The following TTC28 variants were observed in gnomAD, a reference collection of about 807,000 sequenced individuals.
TTC28 encodes the protein tetratricopeptide repeat protein 28.
In TTC28, 61 loss-of-function variants were observed where a neutral mutation model predicts 198.0. That is an observed-to-expected ratio of 0.31 (90% confidence interval 0.25 to 0.38). The LOEUF (loss-of-function observed/expected upper bound fraction) is 0.38, where lower values mean the gene tolerates loss of function less well. Ranked by LOEUF, TTC28 falls within the 10% of genes least tolerant of loss-of-function variation. TTC28 has a pLI of 1.00. For missense variants in TTC28, 2,678 were observed against 3,164.0 expected, an observed-to-expected ratio of 0.85 and a Z score of 3.69; for synonymous variants, 1,171 against 1,297.8, an observed-to-expected ratio of 0.90 and a Z score of 2.10.
At chr22:28,017,299 G>A (rs1487037248) in intron 13 of TTC28, among the ~76,000 whole-genome samples, 5 of 152,206 alleles carry the variant, frequency 3.3e-5, no homozygotes, top group Admixed American at 1.3e-4. Context: ...GCCCGGTGGC[G>A]CTAACCCATC....
chr22:28,263,617 G>C (rs1438015854), intron 5 of TTC28, among the ~76,000 whole-genome samples: 1 of 152,048 alleles, frequency 6.6e-6, no homozygotes, highest in Admixed American at 6.6e-5. Context: ...TCTTACATAT[G>C]TGTGGAGCAA....
intron 12 of TTC28, among the ~76,000 whole-genome samples, chr22:28,055,607 C>T (rs1940256567): frequency 6.6e-6 from 1 of 152,198 alleles, no homozygotes; most frequent in African/African-American, 2.4e-5. Context: ...CTCACAACAA[C>T]TCTATGAGGC....
chr22:28,132,809 T>C (rs900427010), intron 6 of TTC28, among the ~76,000 whole-genome samples: 4 of 152,256 alleles, frequency 2.6e-5, no homozygotes, highest in African/African-American at 9.6e-5. Flanking sequence ...TGCCATTTTG[T>C]TAATGAGTAA....
At position 28,417,280 on chromosome 22, in the gene TTC28, T is replaced by C. The variant is rs983818961; in HGVS notation, c.382-110637A>G. Among the ~76,000 whole-genome samples, 3 of 88,220 alleles carry C rather than the reference T, an allele frequency of 3.4e-5. No individual in the cohort carries two copies. In the East Asian group the frequency reaches 1.1e-3, roughly 32 times the overall value. The allele number at this position is 88,220 out of a possible 152,430, so 57.9% of individuals were successfully genotyped here. On this transcript the variant is annotated intron_variant, in intron 2 of 22. Transcript: ENST00000397906. ...GGAGTTGTAGCCAGCCTGAGAAACATAGCAAGACCCTGTCTCTACTAAAAA... is the reference window on the plus strand; with the variant it reads ...GGAGTTGTAGCCAGCCTGAGAAACACAGCAAGACCCTGTCTCTACTAAAAA...
At chr22:28,421,601 T>C (rs1196220290) in intron 2 of TTC28, among the ~76,000 whole-genome samples, 4 of 152,180 alleles carry the variant, frequency 2.6e-5, no homozygotes, top group Admixed American at 6.5e-5. Flanking sequence ...TGATGAAATT[T>C]TGTGACTGTT....
At chr22:28,025,088 T>C (rs1488265894) in intron 13 of TTC28, among the ~76,000 whole-genome samples, 1 of 152,116 alleles carries the variant, frequency 6.6e-6, no homozygotes, top group Non-Finnish European at 1.5e-5. Flanking sequence ...GATTGGGTCA[T>C]CACTCTGCAT....
intron 12 of TTC28, among the ~76,000 whole-genome samples, chr22:28,053,745 T>A (rs1472939319): frequency 6.6e-6 from 1 of 152,190 alleles, no homozygotes; most frequent in African/African-American, 2.4e-5. Flanking sequence ...GACAGCTACA[T>A]TCCTCTTTTC....
At chr22:28,529,593 C>G (rs1016946072) in intron 2 of TTC28, among the ~76,000 whole-genome samples, 4 of 152,212 alleles carry the variant, frequency 2.6e-5, no homozygotes, top group African/African-American at 9.7e-5. Flanking sequence ...GATCTGAGAA[C>G]AGACAGACTG....
At chr22:28,432,154 C>T (rs1422018967) in intron 2 of TTC28, among the ~76,000 whole-genome samples, 3 of 151,452 alleles carry the variant, frequency 2.0e-5, no homozygotes, top group African/African-American at 7.3e-5. Flanking sequence ...GGCGTGGTGG[C>T]GGGTGCCTGT....
At chr22:28,431,004 T>A (rs1203798058) in intron 2 of TTC28, among the ~76,000 whole-genome samples, 2 of 152,052 alleles carry the variant, frequency 1.3e-5, no homozygotes, top group Non-Finnish European at 2.9e-5. Flanking sequence ...GTTAAAATAC[T>A]ACTCTACCGT....
At chr22:28,361,999 G>A (rs868597467) in intron 2 of TTC28, among the ~76,000 whole-genome samples, 6 of 152,132 alleles carry the variant, frequency 3.9e-5, no homozygotes, top group South Asian at 2.1e-4. Flanking sequence ...CACTGACAAC[G>A]CGTCTGGCTA....
At chr22:28,339,316 C>G (rs1351414072) in intron 2 of TTC28, among the ~76,000 whole-genome samples, 2 of 152,152 alleles carry the variant, frequency 1.3e-5, no homozygotes, top group African/African-American at 4.8e-5. Flanking sequence ...GGGGTGCCTC[C>G]CAGTTAGGCT....
chr22:28,645,857 G>A (rs1601659388), intron 1 of TTC28, among the ~76,000 whole-genome samples: 1 of 152,050 alleles, frequency 6.6e-6, no homozygotes, highest in South Asian at 2.1e-4. Context: ...CCACCTCCTG[G>A]TTCAAGTGAT....
chr22:28,505,429 A>T (rs1233116966), intron 2 of TTC28, among the ~76,000 whole-genome samples: 3 of 152,114 alleles, frequency 2.0e-5, no homozygotes, highest in East Asian at 3.9e-4. Flanking sequence ...AGGCAACAAC[A>T]ACTTGATCCA....
chr22:28,148,541 A>G (rs569908980), intron 6 of TTC28, among the ~76,000 whole-genome samples: 2 of 150,230 alleles, frequency 1.3e-5, no homozygotes, highest in East Asian at 2.0e-4. Flanking sequence ...TGAACCCGGG[A>G]GGTGGACCTT....
intron 2 of TTC28, among the ~76,000 whole-genome samples, chr22:28,404,775 T>TA (rs1280185521): frequency 1.3e-5 from 2 of 152,208 alleles, no homozygotes; most frequent in African/African-American, 4.8e-5. Context: ...GGCAGAGTTT[T>TA]AAGGGAGATG....
At chr22:28,070,323 T>C (rs939224110) in intron 12 of TTC28, among the ~76,000 whole-genome samples, 13 of 152,092 alleles carry the variant, frequency 8.5e-5, no homozygotes, top group African/African-American at 2.9e-4. Context: ...ACTACTGTGA[T>C]TAGGGACAGC....
At chr22:28,164,819 A>G (rs1921701791) in intron 5 of TTC28, among the ~76,000 whole-genome samples, 1 of 152,202 alleles carries the variant, frequency 6.6e-6, no homozygotes, top group African/African-American at 2.4e-5. Flanking sequence ...TTGAGAGAAG[A>G]AGGCTTAAAA....
chr22:28,257,724 T>C (rs1931028303), intron 5 of TTC28, among the ~76,000 whole-genome samples: 1 of 126,738 alleles, frequency 7.9e-6, no homozygotes, highest in Non-Finnish European at 1.6e-5. Flanking sequence ...TTACCATCTT[T>C]AGATGGTAAT....
Sources: allele counts gnomAD v4.1 joint callset (sites outside exome capture counted in the v4.1 genomes callset), GRCh38; gene constraint gnomAD v4.1.1; transcripts MANE v1.5; gene names NCBI Gene and HGNC (gene_info 2026-07-23, HGNC 2026-07-21).